OTOG: variants seen among roughly 807,000 people sequenced by gnomAD.
The protein encoded by OTOG is otogelin.
Under a neutral mutation model 313.8 loss-of-function variants are expected in OTOG, and 296 were observed. The ratio of observed to expected loss-of-function variants is 0.94; its 90% CI spans 0.86 to 1.04. The LOEUF is 1.04. Ranked by LOEUF, OTOG falls within the 50% of genes least tolerant of loss-of-function variation. The probability of loss-of-function intolerance (pLI) is 0.00; values close to 1 mark genes in which losing one functional copy is unlikely to be tolerated. For missense variants in OTOG, 3,948 were observed against 3,840.1 expected (o/e 1.03, Z -0.74); for synonymous variants, 1,533 against 1,554.9 (o/e 0.99, Z 0.33).
In OTOG at chr11:17,559,098, G is replaced by A; in HGVS notation, c.1150G>A (p.Ala384Thr). 1 of 1,546,160 alleles carries A rather than the reference G, an allele frequency of 6.5e-7. No individual in the cohort carries two copies. Among genetic ancestry groups the A allele is most frequent in the Non-Finnish European group, 8.7e-7 (1 of 1,146,958 alleles). The change falls in exon 11 of 56, where the codon GCC becomes ACC. Residue 384 changes from alanine to threonine, a missense_variant. By Grantham distance (58) the Ala-to-Thr change is moderately conservative. Transcript: ENST00000399397. ...CTGGTGCCGGGCACTGGCGGAGTAT[G>A]CCCGGGCGTGTGCCCAGGCAGGGCG... ...ATWCRALAEY[A>T]RACAQAGRPL...
In OTOG at chr11:17,602,278, G is replaced by A; in HGVS notation, c.3778G>A (p.Val1260Met). 1 of 1,550,640 alleles carries A rather than the reference G, an allele frequency of 6.4e-7. No homozygotes were observed. The highest frequency in any genetic ancestry group is 8.7e-7 in the Non-Finnish European group (1 of 1,146,980). ...AGGALVGMKAVGDDIVLVRTE... is the reference protein window; with the variant it reads ...AGGALVGMKAMGDDIVLVRTE... ...TGGTGCTCTGGTGGGCATGAAGGCG[G>A]TGGGCGATGACATAGTCCTAGTGAG... The change falls in exon 32 of 56, where the codon GTG (valine) becomes ATG (methionine). Residue 1260 changes from valine to methionine, a missense_variant. Coordinates refer to ENST00000399397, the MANE Select transcript of OTOG (RefSeq NM_001292063.2).
In OTOG at chr11:17,547,364, C is replaced by T. The variant is rs1243424666; in HGVS notation, c.-9C>T. On this transcript the variant is annotated 5_prime_UTR_variant, in exon 1 of 56. Coordinates refer to ENST00000399397, the MANE Select transcript of OTOG (RefSeq NM_001292063.2). Reference sequence around the variant, plus strand: ...CTGCGCTCAAGTCCTCCGGTCCCCTCGTGTCCCTATGGGAGTCCTGGCGTC... The same window carrying T: ...CTGCGCTCAAGTCCTCCGGTCCCCTTGTGTCCCTATGGGAGTCCTGGCGTC... The T allele has an allele frequency of 6.7e-6, 9 of 1,353,002 alleles. No homozygotes were observed. The highest frequency in any genetic ancestry group is 8.5e-6 in the Non-Finnish European group (9 of 1,057,304). The allele number at this position is 1,353,002 out of a possible 1,614,324, so 83.8% of individuals were successfully genotyped here. A position where few individuals can be genotyped will look rare whatever the true frequency, so the allele number is the denominator to read the frequency against.
Position 17,611,146 on chromosome 11 carries a change from C to T in OTOG, c.5846C>T (p.Pro1949Leu), listed in dbSNP as rs1565117373. ...CCTCTCACGCCCTTGGTGGCTGAGCCCGAGGGAGCCCAGGCAGGCACAGCT... is the reference window on the plus strand; with the variant it reads ...CCTCTCACGCCCTTGGTGGCTGAGCTCGAGGGAGCCCAGGCAGGCACAGCT... ...SHPLTPLVAE[P>L]EGAQAGTALP... The change falls in exon 36 of 56, where the codon CCC (proline) becomes CTC (leucine). Residue 1949 changes from proline to leucine, a missense_variant. Pro to Leu is a moderately conservative substitution (Grantham distance 98). Coordinates refer to ENST00000399397, the MANE Select transcript of OTOG (RefSeq NM_001292063.2). 4 of 1,550,556 alleles carry T rather than the reference C, an allele frequency of 2.6e-6. No individual in the cohort carries two copies. Among genetic ancestry groups the T allele is most frequent in the East Asian group, 4.9e-5 (2 of 40,920 alleles).
Position 17,638,519 on chromosome 11 carries a change from C to T in OTOG, c.7864C>T (p.Pro2622Ser). Residue 2622 changes from proline (P) to serine (S), a missense_variant, in exon 48 of 56, where the codon CCC becomes TCC. Transcript: ENST00000399397. ...LGTALVEVWS[P>S]DRCCPYKSCE... is the part of the protein sequence containing the mutation. ...CACTGCCCTGGTGGAGGTGTGGAGCCCCGACCGCTGCTGCCCCTACAAATC... is the reference window on the plus strand; with the variant it reads ...CACTGCCCTGGTGGAGGTGTGGAGCTCCGACCGCTGCTGCCCCTACAAATC... 1.3e-6 allele frequency: 2 copies of T among 1,550,430 alleles called. No homozygotes were observed. The highest frequency in any genetic ancestry group is 1.7e-6 in the Non-Finnish European group (2 of 1,146,986).
At chr11:17,635,839 G>A in intron 47 of OTOG, 128 bp downstream of exon 47, 5 of 742,284 alleles carry the variant, frequency 6.7e-6, no homozygotes, top group South Asian at 4.9e-5. Context: ...TGGAGGGGCC[G>A]AGCAGCTGAA....
At chr11:17,625,684 A>C (rs1465141476) in intron 39 of OTOG, among the ~76,000 whole-genome samples, 1 of 152,094 alleles carries the variant, frequency 6.6e-6, no homozygotes, top group Non-Finnish European at 1.5e-5. Context: ...TGAGGTCCTT[A>C]TATATTCTAA....
At chr11:17,552,528 C>CTGTACTGTG (rs1851958432) in intron 4 of OTOG, among the ~76,000 whole-genome samples, 1 of 39,230 alleles carries the variant, frequency 2.5e-5, no homozygotes, top group African/African-American at 3.0e-4. Flanking sequence ...CTGTTCCTAC[C>CTGTACTGTG]TCCCCCACCT....
At chr11:17,625,892 GAGTTTCCCC>G (rs1853973098) in intron 39 of OTOG, among the ~76,000 whole-genome samples, 1 of 152,196 alleles carries the variant, frequency 6.6e-6, no homozygotes, top group Non-Finnish European at 1.5e-5. Context: ...ATGTCCTGGA[GAGTTTCCCC>G]AGTGCTTTCT....
At chr11:17,642,889 C>A (rs1848004131) in intron 53 of OTOG, among the ~76,000 whole-genome samples, 1 of 152,210 alleles carries the variant, frequency 6.6e-6, no homozygotes, top group African/African-American at 2.4e-5. Context: ...CATGTACACA[C>A]AGATGCTCAT....
chr11:17,602,381 A>C lies in OTOG; in HGVS notation c.3877+4A>C. 1 of 1,549,180 alleles carries C rather than the reference A, an allele frequency of 6.5e-7. No homozygotes were observed. The highest frequency in any genetic ancestry group is 8.7e-7 in the Non-Finnish European group (1 of 1,146,162). Reference sequence around the variant, plus strand: ...CTGTACAAGGCCAAGGCCCATGGTAAGGCCCATCCCAGTCCCACTCCAGCT... The same window carrying C: ...CTGTACAAGGCCAAGGCCCATGGTACGGCCCATCCCAGTCCCACTCCAGCT... On this transcript the variant is annotated splice_donor_region_variant and intron_variant, in intron 32 of 55. Transcript: ENST00000399397.
In OTOG at chr11:17,559,575, A is replaced by G. The variant is rs1852132827; in HGVS notation, c.1255A>G (p.Ile419Val). 1 of 1,550,756 alleles carries G rather than the reference A, an allele frequency of 6.4e-7. No individual in the cohort carries two copies. Residue 419 changes from isoleucine (I) to valine (V), a missense_variant, in exon 12 of 56, where the codon ATC (isoleucine) becomes GTC (valine). Ile to Val is a conservative substitution (Grantham distance 29). Coordinates refer to ENST00000399397, the MANE Select transcript of OTOG (RefSeq NM_001292063.2). Reference sequence around the variant, plus strand: ...GAAGGCCTTTACCTACAATGAGTGCATCGCCTGCTGCCCTGCCTCCTGCCA... The same window carrying G: ...GAAGGCCTTTACCTACAATGAGTGCGTCGCCTGCTGCCCTGCCTCCTGCCA... ...KEKAFTYNECIACCPASCHPR... is the reference protein window; with the variant it reads ...KEKAFTYNECVACCPASCHPR...
rs774199601 is a variant in OTOG at position 17,553,535 on chromosome 11, C to A, written c.540+16C>A. ...CTCCATCCAGGTGAGGCCTCCCCTG[C>A]CTTGCCTGTCCAGGAATGCTTCTCT... is the stretch of plus-strand genomic sequence containing the variant. On this transcript the variant is annotated intron_variant, in intron 6 of 55. Transcript: ENST00000399397. 7.0e-6 allele frequency: 10 copies of A among 1,421,694 alleles called. No individual in the cohort carries two copies. Among genetic ancestry groups the A allele is most frequent in the Non-Finnish European group, 1.8e-6 (2 of 1,085,230 alleles). 88.1% of individuals were successfully genotyped at this position (1,421,694 alleles called of 1,614,324 possible).
At chr11:17,602,012 G>A (rs935831128) in intron 31 of OTOG, among the ~76,000 whole-genome samples, 198 bp from the exon 32 acceptor site, 14 of 152,174 alleles carry the variant, frequency 9.2e-5, no homozygotes, top group Admixed American at 9.2e-4. Flanking sequence ...GTTCCTTTCA[G>A]GGGCTGGCAG....
chr11:17,609,066 A>C, intron 34 of OTOG, 64 bp from the exon 35 acceptor site: 10 of 1,313,686 alleles, frequency 7.6e-6, no homozygotes, highest in African/African-American at 2.9e-5. Context: ...TGCTCAATCG[A>C]GAGAAAAAGA....
In OTOG at chr11:17,578,545, G is replaced by A. The variant is rs958908349; in HGVS notation, c.2759+19G>A. 6.0e-5 allele frequency: 90 copies of A among 1,507,642 alleles called. No individual in the cohort carries two copies. The African/African-American group carries it at 7.6e-4, about 13-fold the overall frequency. The allele number at this position is 1,507,642 out of a possible 1,614,324, so 93.4% of individuals were successfully genotyped here. On this transcript the variant is annotated intron_variant, in intron 23 of 55. Transcript: ENST00000399397. ...CCCAGGGGTAAGTACCCATGGTGTC[G>A]TGGGCCCGTGATCCTGAAGGCTGGC...
Position 17,574,776 on chromosome 11 carries a change from AC to A in OTOG, c.2352del (p.Cys785AlafsTer18). 6.4e-7 allele frequency: 1 copy of A among 1,550,644 alleles called. No homozygotes were observed. The highest frequency in any genetic ancestry group is 1.4e-5 in the African/African-American group (1 of 73,166). On this transcript the variant is annotated frameshift_variant, in exon 20 of 56. Transcript: ENST00000399397. LOFTEE classifies it high-confidence loss of function. The stretch of plus-strand genomic sequence containing the variant: ...CCCCTGCGTGGCCCCGTGTGGACGT[AC>A]CTGCCAGGACCTGGCCAGCCCTGAG... ...YSPCVAPCGR[T>X]CQDLASPEAC...
chr11:17,608,176 A>T, intron 33 of OTOG, 120 bp from the exon 34 acceptor site: 1 of 649,134 alleles, frequency 1.5e-6, no homozygotes, highest in Non-Finnish European at 2.5e-6. Context: ...TTTTTTCCCC[A>T]TTTGCTTTCC....
rs934642427 is a variant in OTOG at position 17,608,343 on chromosome 11, G to A, written c.4204G>A (p.Asp1402Asn). 309 of 1,547,360 alleles carry A rather than the reference G, an allele frequency of 2.0e-4. No individual in the cohort carries two copies. Among genetic ancestry groups the A allele is most frequent in the Non-Finnish European group, 2.5e-4 (286 of 1,145,822 alleles). ...CTACCCCATCTGCGAGTGGCGCTAC[G>A]ATGCCTGTGCCAGCCCCTGCTTCCA... The part of the protein sequence containing the change: ...AAYPICEWRY[D>N]ACASPCFQTC... The change falls in exon 34 of 56, where the codon GAT (aspartate) becomes AAT (asparagine). Residue 1402 changes from aspartate (D) to asparagine (N), a missense_variant. Physicochemically the swap from Asp to Asn is conservative, Grantham distance 23. Coordinates refer to ENST00000399397, the MANE Select transcript of OTOG (RefSeq NM_001292063.2).
intron 6 of OTOG, among the ~76,000 whole-genome samples, chr11:17,554,907 G>GAT (rs1240146099): frequency 6.6e-6 from 1 of 152,214 alleles, no homozygotes; most frequent in East Asian, 1.9e-4. Context: ...GCATGATAGA[G>GAT]ATAAGTATTA....
Sources: gnomAD v4.1 joint callset for allele counts (sites outside exome capture counted in the v4.1 genomes callset) on GRCh38, gnomAD v4.1.1 for gene constraint, MANE v1.5 for transcripts, NCBI Gene and HGNC (gene_info 2026-07-23, HGNC 2026-07-21) for gene names.